The following TRPC6 variants were observed in gnomAD, a reference collection of about 807,000 sequenced individuals.
The protein encoded by TRPC6 is transient receptor potential cation channel subfamily C member 6, also known as short transient receptor potential channel 6.
A neutral mutation model predicts 90.7 loss-of-function variants in TRPC6; 55 were observed. That is an observed-to-expected ratio of 0.61 (90% CI 0.49 to 0.76). TRPC6 has a LOEUF of 0.76. Among genes scored for constraint, TRPC6 ranks in the 30% least tolerant of loss-of-function variants. TRPC6 has a pLI of 0.00. For synonymous variants in TRPC6, 393 were observed against 393.0 expected (o/e 1.00, Z 0.00); for missense variants, 989 against 1,122.7 (o/e 0.88, Z 1.70).
Position 101,491,836 on chromosome 11 carries a change from C to CTTTTTTTTTTTTTTTT in TRPC6, c.946-114_946-99dup, listed in dbSNP as rs71056611. ...GATTTTATACTTTAAGAGAAACATT[C>CTTTTTTTTTTTTTTTT]TTTTTTTTTTTTTTTTTTTTTTGAG... is the stretch of plus-strand genomic sequence containing the variant. On this transcript the variant is annotated intron_variant, in intron 2 of 12. Transcript: ENST00000344327. 2.2e-5 allele frequency: 10 copies of CTTTTTTTTTTTTTTTT among 445,048 alleles called. No individual in the cohort carries two copies. The African/African-American group carries it at 2.4e-4, about 11-fold the overall frequency. 27.6% of individuals were successfully genotyped at this position (445,048 alleles called of 1,614,324 possible).
chr11:101,482,519 T>C (rs540757368), intron 5 of TRPC6, among the ~76,000 whole-genome samples: 47 of 152,344 alleles, frequency 3.1e-4, no homozygotes, highest in Middle Eastern at 6.8e-3. Context: ...ATTTGATGTA[T>C]ATAAAGTGCT....
At chr11:101,549,337 ATAAT>A (rs1486378353) in intron 1 of TRPC6, among the ~76,000 whole-genome samples, 2 of 151,874 alleles carry the variant, frequency 1.3e-5, no homozygotes, top group Non-Finnish European at 2.9e-5. Context: ...TATATGAAAA[ATAAT>A]TATTTATATC....
chr11:101,513,293 T>C (rs1025235246), intron 1 of TRPC6, among the ~76,000 whole-genome samples: 5 of 152,320 alleles, frequency 3.3e-5, no homozygotes, highest in East Asian at 1.9e-4. Flanking sequence ...CAGGTCTGCA[T>C]TGGTGCTATT....
intron 5 of TRPC6, among the ~76,000 whole-genome samples, chr11:101,480,981 C>A (rs1158417480): frequency 6.6e-6 from 1 of 152,122 alleles, no homozygotes; most frequent in Non-Finnish European, 1.5e-5. Flanking sequence ...TTTGGTGATA[C>A]AATTCACATT....
intron 10 of TRPC6, among the ~76,000 whole-genome samples, chr11:101,467,532 G>A (rs1402197811): frequency 6.6e-6 from 1 of 152,178 alleles, no homozygotes; most frequent in Non-Finnish European, 1.5e-5. Flanking sequence ...GAGTCTTAAT[G>A]AGACAACATT....
intron 4 of TRPC6, among the ~76,000 whole-genome samples, chr11:101,483,569 T>C (rs1241975146): frequency 6.6e-6 from 1 of 152,164 alleles, no homozygotes; most frequent in East Asian, 1.9e-4. Flanking sequence ...TATAGAACCT[T>C]GGTGGGTGTC....
Position 101,452,962 on chromosome 11 carries a change from T to C in TRPC6, c.2789A>G (p.Asn930Ser), listed in dbSNP as rs1293033610. 1 of 1,613,822 alleles carries C rather than the reference T, an allele frequency of 6.2e-7. No homozygotes were observed. Among genetic ancestry groups the C allele is most frequent in the Non-Finnish European group, 8.5e-7 (1 of 1,179,794 alleles). Residue 930 changes from asparagine (N) to serine (S), a missense_variant, in exon 13 of 13, where the codon AAT (asparagine) becomes AGT (serine). Physicochemically the swap from Asn to Ser is conservative, Grantham distance 46. Around this residue, in one of 4 missense-constraint regions of TRPC6, gnomAD observed 191 missense variants for 196.7 expected, o/e 0.97. Transcript: ENST00000344327. The stretch of plus-strand genomic sequence containing the variant: ...TCTAAGGAAGTCTTCGCATTATCTA[T>C]TGGTTTCCTCTTGATTTGGTTCCAT... The part of the protein sequence containing the change: ...LSMEPNQEET[N>S]R
At chr11:101,528,538 C>T (rs547670636) in intron 1 of TRPC6, among the ~76,000 whole-genome samples, 4 of 152,114 alleles carry the variant, frequency 2.6e-5, no homozygotes, top group Non-Finnish European at 4.4e-5. Flanking sequence ...TTACATGAGG[C>T]AACACATTAT....
chr11:101,575,153 A>G (rs1862043989), intron 1 of TRPC6, among the ~76,000 whole-genome samples: 1 of 152,208 alleles, frequency 6.6e-6, no homozygotes, highest in Admixed American at 6.5e-5. Flanking sequence ...ATGTGAGTCA[A>G]TGTCTCTAAA....
intron 10 of TRPC6, among the ~76,000 whole-genome samples, chr11:101,458,386 C>T (rs1386490658): frequency 6.6e-6 from 1 of 152,144 alleles, no homozygotes; most frequent in Non-Finnish European, 1.5e-5. Flanking sequence ...TAAGCTCTAC[C>T]CTACATGGTT....
rs746307786 is a variant in TRPC6, at chr11:101,476,443, T to C, written c.1602A>G (p.Leu534=). 1.9e-6 allele frequency: 3 copies of C among 1,614,022 alleles called. No homozygotes were observed. Among genetic ancestry groups the C allele is most frequent in the African/African-American group, 1.3e-5 (1 of 74,938 alleles). ...ELWNMLDFGM[L]AIFAASFIAR... The stretch of plus-strand genomic sequence containing the variant: ...CAATGAATGATGCTGCGAAAATTGC[T>C]AACATACCAAAATCAAGCATGTTCC... The change falls in exon 6 of 13, where the codon TTA becomes TTG. Residue 534 remains leucine (L), a synonymous_variant. Coordinates refer to ENST00000344327, the MANE Select transcript of TRPC6 (RefSeq NM_004621.6).
intron 1 of TRPC6, among the ~76,000 whole-genome samples, chr11:101,549,112 G>A (rs1861395267): frequency 6.6e-6 from 1 of 151,750 alleles, no homozygotes; most frequent in Admixed American, 6.6e-5. Context: ...TCAGAACAAA[G>A]GCCTACTAAT....
At chr11:101,566,825 AC>A (rs1861843477) in intron 1 of TRPC6, among the ~76,000 whole-genome samples, 1 of 152,112 alleles carries the variant, frequency 6.6e-6, no homozygotes, top group Admixed American at 6.5e-5. Flanking sequence ...TAGGGACTGT[AC>A]CGTGCACTCC....
At chr11:101,536,517 A>G (rs954162499) in intron 1 of TRPC6, among the ~76,000 whole-genome samples, 3 of 152,180 alleles carry the variant, frequency 2.0e-5, no homozygotes, top group Admixed American at 2.0e-4. Context: ...GGTAGGAATC[A>G]GGAAAATCTT....
rs765593566 is a variant in TRPC6, at chr11:101,504,623, T to C, written c.346A>G (p.Lys116Glu). ...AEYGNIPVVR[K>E]MLEECHSLNV... ...AGTGAGTGGCATTCTTCTAACATCT[T>C]CCGCACCACTGGGATGTTACCATAT... The change falls in exon 2 of 13, where the codon AAG (lysine) becomes GAG (glutamate). Residue 116 changes from lysine (K) to glutamate (E), a missense_variant. Transcript: ENST00000344327. 1.2e-6 allele frequency: 2 copies of C among 1,613,274 alleles called. No individual in the cohort carries two copies. The highest frequency in any genetic ancestry group is 1.1e-5 in the South Asian group (1 of 91,062).
intron 2 of TRPC6, 47 bp downstream of exon 2, chr11:101,503,977 T>C: frequency 6.2e-7 from 1 of 1,612,818 alleles, no homozygotes; most frequent in Admixed American, 1.7e-5. Context: ...TAAATACACC[T>C]TGACTCTGGC....
chr11:101,550,219 T>A (rs1861420962), intron 1 of TRPC6, among the ~76,000 whole-genome samples: 1 of 151,626 alleles, frequency 6.6e-6, no homozygotes, highest in South Asian at 2.1e-4. Flanking sequence ...ATGTAATTAA[T>A]TCCTCAACAA....
chr11:101,480,146 C>A (rs1047582889), intron 5 of TRPC6, among the ~76,000 whole-genome samples: 14 of 152,066 alleles, frequency 9.2e-5, no homozygotes, highest in Non-Finnish European at 2.1e-4. Flanking sequence ...CCATTGCACT[C>A]CAGCCTGGGC....
chr11:101,583,591 C>A lies in TRPC6; in HGVS notation c.-88G>T. 7.3e-7 allele frequency: 1 copy of A among 1,371,620 alleles called. No individual in the cohort carries two copies. 85.0% of individuals were successfully genotyped at this position (1,371,620 alleles called of 1,614,324 possible). ...GGGACCCGGTGCGGAGGGTTCGCGT[C>A]AGCGGCCGAACTGGACCTGGGCAGA... On this transcript the variant is annotated 5_prime_UTR_variant, in exon 1 of 13. Coordinates refer to ENST00000344327, the MANE Select transcript of TRPC6 (RefSeq NM_004621.6).
Sources: allele counts gnomAD v4.1 joint callset (sites outside exome capture counted in the v4.1 genomes callset), GRCh38; gene constraint gnomAD v4.1.1; regional missense constraint gnomAD v4.1.1; transcripts MANE v1.5; gene names NCBI Gene and HGNC (gene_info 2026-07-23, HGNC 2026-07-21).